IFNLR1: variants seen among roughly 807,000 people sequenced by gnomAD.
The protein encoded by IFNLR1 is interferon lambda receptor 1.
In IFNLR1, 28 loss-of-function variants were observed where a neutral mutation model predicts 52.5. The ratio of observed to expected loss-of-function variants is 0.53; its 90% CI spans 0.40 to 0.73. The LOEUF (loss-of-function observed/expected upper bound fraction) is 0.73, where lower values mean the gene tolerates loss of function less well. IFNLR1 is among the 30% of genes least tolerant of loss of function. IFNLR1 has a pLI of 0.00. For missense variants in IFNLR1, 623 were observed against 659.1 expected (o/e 0.95, Z 0.60); for synonymous variants, 276 against 274.9 (o/e 1.00, Z -0.04).
At position 24,181,633 on chromosome 1, in the gene IFNLR1, G is replaced by A. The variant is rs143750441; in HGVS notation, c.59-779C>T. Among the ~76,000 whole-genome samples, 477 of 152,288 alleles carry A rather than the reference G, an allele frequency of 3.1e-3. 2 individuals carry two copies. Among genetic ancestry groups the A allele is most frequent in the African/African-American group, 0.01 (430 of 41,546 alleles). ...ATTGCACCTTCCCTGCTCAGGATCT[G>A]TAAGTAATAAGCCTTTGAACTTGTT... On this transcript the variant is annotated intron_variant, in intron 1 of 6. Transcript: ENST00000327535.
chr1:24,161,842 A>G (rs1644447290), intron 3 of IFNLR1, among the ~76,000 whole-genome samples, 158 bp from the exon 4 acceptor site: 1 of 152,196 alleles, frequency 6.6e-6, no homozygotes, highest in East Asian at 1.9e-4. Context: ...TCAGCCTTGC[A>G]CTGACCCTGG....
intron 1 of IFNLR1, among the ~76,000 whole-genome samples, chr1:24,182,080 A>G (rs7537251): frequency 0.69 from 105,253 of 151,810 alleles, 37,008 homozygotes; most frequent in East Asian, 0.8. Flanking sequence ...CAGGGCTGTA[A>G]TCTCAGCTAC....
chr1:24,164,793 C>T (rs1449443123), intron 3 of IFNLR1, among the ~76,000 whole-genome samples: 5 of 145,180 alleles, frequency 3.4e-5, no homozygotes, highest in African/African-American at 1.3e-4. Flanking sequence ...GAGTCTTGCT[C>T]TGTCACCCAC....
At chr1:24,186,664 A>AAAC (rs57142907) in intron 1 of IFNLR1, among the ~76,000 whole-genome samples, 8,770 of 151,442 alleles carry the variant, frequency 0.058, 628 homozygotes, top group African/African-American at 0.16. Context: ...AGAGGTGGGA[A>AAAC]AACAACAACA....
chr1:24,179,302 C>T (rs902474408), intron 2 of IFNLR1, among the ~76,000 whole-genome samples: 5 of 152,160 alleles, frequency 3.3e-5, no homozygotes, highest in Admixed American at 6.6e-5. Context: ...AGCCATACTA[C>T]GCCCAGCTGT....
chr1:24,168,696 T>C (rs1192124618), intron 3 of IFNLR1, among the ~76,000 whole-genome samples: 1 of 150,998 alleles, frequency 6.6e-6, no homozygotes, highest in African/African-American at 2.5e-5. Flanking sequence ...CCCCACAAAT[T>C]TCTACAGTGT....
intron 2 of IFNLR1, among the ~76,000 whole-genome samples, chr1:24,175,084 G>A (rs1264262431): frequency 6.6e-6 from 1 of 152,242 alleles, no homozygotes; most frequent in African/African-American, 2.4e-5. Flanking sequence ...TTGGACTTCT[G>A]GGATTCTAAA....
chr1:24,163,184 A>G (rs78002211), intron 3 of IFNLR1, among the ~76,000 whole-genome samples: 14,321 of 151,848 alleles, frequency 0.094, 736 homozygotes, highest in South Asian at 0.16. Context: ...CTGGTCTCAA[A>G]CAACTGACTT....
chr1:24,177,914 G>A (rs558300145), intron 2 of IFNLR1, among the ~76,000 whole-genome samples: 1 of 152,290 alleles, frequency 6.6e-6, no homozygotes, highest in East Asian at 1.9e-4. Context: ...TACCATAGAA[G>A]TCAGGTAAAA....
intron 5 of IFNLR1, 112 bp downstream of exon 5, chr1:24,159,361 TG>T (rs1302716098): frequency 7.9e-7 from 1 of 1,262,338 alleles, no homozygotes; most frequent in Non-Finnish European, 1.1e-6. Flanking sequence ...ACACAATGAG[TG>T]TGGTTTTAAT....
At chr1:24,159,726 G>GTTTTTTTTTTTTTGTTTTTT in intron 4 of IFNLR1, 93 bp from the exon 5 acceptor site, 1 of 761,908 alleles carries the variant, frequency 1.3e-6, no homozygotes, top group Non-Finnish European at 2.0e-6. Flanking sequence ...ATGGTAGGGT[G>GTTTTTTTTTTTTTGTTTTTT]TTTTTTTTTT....
At position 24,180,377 on chromosome 1, in the gene IFNLR1, C is replaced by T. The variant is rs199565463; in HGVS notation, c.182+354G>A. On this transcript the variant is annotated intron_variant, in intron 2 of 6. Coordinates refer to ENST00000327535, the MANE Select transcript of IFNLR1 (RefSeq NM_170743.4). Reference sequence around the variant, plus strand: ...CAGGTAACAGCTCCTCTGCTGTGTACCTAGTTGCCTCACTGATCAGCTGGG... The same window carrying T: ...CAGGTAACAGCTCCTCTGCTGTGTATCTAGTTGCCTCACTGATCAGCTGGG... Among the ~76,000 whole-genome samples, 93 of 152,088 alleles carry T rather than the reference C, an allele frequency of 6.1e-4. 1 individual carries two copies. The East Asian group carries it at 0.013, about 22-fold the overall frequency.
intron 3 of IFNLR1, among the ~76,000 whole-genome samples, chr1:24,167,407 C>G (rs776194938): frequency 1.3e-5 from 2 of 151,732 alleles, no homozygotes; most frequent in African/African-American, 4.8e-5. Context: ...TTTTTTGAGA[C>G]AAAGTCTTGC....
chr1:24,167,440 A>G (rs1308284840), intron 3 of IFNLR1, among the ~76,000 whole-genome samples: 1 of 151,954 alleles, frequency 6.6e-6, no homozygotes, highest in East Asian at 1.9e-4. Flanking sequence ...GCTGGAGTGC[A>G]GTGTCGTGAT....
rs931030581 is a variant in IFNLR1 at position 24,157,357 on chromosome 1, A to T, written c.1336T>A (p.Ser446Thr). ...FLEELPEDNL[S>T]SWATWGTLPP... ...AAGGTGCCCCAGGTGGCCCAGGAGG[A>T]GAGGTTATCTTCTGGGAGCTCTTCC... The change falls in exon 7 of 7, where the codon TCC (serine) becomes ACC (threonine). Residue 446 changes from serine (S) to threonine (T), a missense_variant. Physicochemically the swap from Ser to Thr is moderately conservative, Grantham distance 58. Coordinates refer to ENST00000327535, the MANE Select transcript of IFNLR1 (RefSeq NM_170743.4). The surrounding 1 kb of genome is among the most constrained non-coding windows in gnomAD (Gnocchi z 5.1). 1 of 1,614,030 alleles carries T rather than the reference A, an allele frequency of 6.2e-7. No individual in the cohort carries two copies. Among genetic ancestry groups the T allele is most frequent in the African/African-American group, 1.3e-5 (1 of 74,982 alleles).
intron 4 of IFNLR1, 106 bp from the exon 5 acceptor site, chr1:24,159,739 T>TTTTTTTTTTTG: frequency 1.0e-6 from 1 of 987,316 alleles, no homozygotes. Context: ...TTTTTTTTGT[T>TTTTTTTTTTTG]TTTTTTTTTT....
At chr1:24,181,776 G>C (rs1644693113) in intron 1 of IFNLR1, among the ~76,000 whole-genome samples, 1 of 152,168 alleles carries the variant, frequency 6.6e-6, no homozygotes, top group Non-Finnish European at 1.5e-5. Context: ...CCAGAGCAAT[G>C]GTCAGACAGG....
At position 24,159,123 on chromosome 1, in the gene IFNLR1, C is replaced by A. The variant is rs759446244; in HGVS notation, c.730G>T (p.Ala244Ser). The change falls in exon 6 of 7, where the codon GCA becomes TCA. Residue 244 changes from alanine (A) to serine (S), a missense_variant. By Grantham distance (99) the Ala-to-Ser change is moderately conservative (BLOSUM62 1). Coordinates refer to ENST00000327535, the MANE Select transcript of IFNLR1 (RefSeq NM_170743.4). ...SLLILLLVIA[A>S]GGVIWKTLMG... The stretch of plus-strand genomic sequence containing the variant: ...AGGGTCTTCCAGATCACACCCCCTG[C>A]GGCAATTACTAACAGCAGTATCAGA... 3 of 1,613,988 alleles carry A rather than the reference C, an allele frequency of 1.9e-6. No individual in the cohort carries two copies. The highest frequency in any genetic ancestry group is 2.5e-6 in the Non-Finnish European group (3 of 1,179,998).
chr1:24,176,675 C>T (rs1162320930), intron 2 of IFNLR1, among the ~76,000 whole-genome samples: 1 of 152,172 alleles, frequency 6.6e-6, no homozygotes, highest in African/African-American at 2.4e-5. Flanking sequence ...TGGAAGCATA[C>T]AGTTTTTTAA....
Sources: gnomAD v4.1 joint callset for allele counts (sites outside exome capture counted in the v4.1 genomes callset) on GRCh38, gnomAD v4.1.1 for gene constraint, Gnocchi (gnomAD v3.1) non-coding constraint, MANE v1.5 for transcripts, NCBI Gene and HGNC (gene_info 2026-07-23, HGNC 2026-07-21) for gene names.